The following DGKB variants were observed in gnomAD, a reference collection of about 807,000 sequenced individuals.
DGKB encodes the protein 90 kDa diacylglycerol kinase.
A neutral mutation model predicts 114.3 loss-of-function variants in DGKB; 67 were observed. The observed-to-expected ratio is 0.59, with a 90% CI of 0.48 to 0.72. DGKB has a LOEUF of 0.72. Among genes scored for constraint, DGKB ranks in the 30% least tolerant of loss-of-function variants. The pLI is 0.00. For synonymous variants in DGKB, 398 were observed against 323.1 expected (o/e 1.23, Z -2.49); for missense variants, 907 against 975.2 (o/e 0.93, Z 0.93).
At chr7:14,307,108 T>A (rs2128498519) in intron 23 of DGKB, among the ~76,000 whole-genome samples, 1 of 126,044 alleles carries the variant, frequency 7.9e-6, no homozygotes, top group East Asian at 2.6e-4. Context: ...TCTATTTGAA[T>A]CTACCACATT....
chr7:14,215,344 A>C (rs1788784912), intron 23 of DGKB, among the ~76,000 whole-genome samples: 1 of 152,140 alleles, frequency 6.6e-6, no homozygotes, highest in African/African-American at 2.4e-5. Flanking sequence ...CAAGGGTAAA[A>C]AAGAGGCAAT....
intron 23 of DGKB, among the ~76,000 whole-genome samples, chr7:14,263,612 C>T (rs1189232262): frequency 1.3e-5 from 2 of 152,122 alleles, no homozygotes; most frequent in African/African-American, 2.4e-5. Context: ...TTATGGTGGC[C>T]ACCTTCAGAA....
At chr7:14,549,861 GC>G (rs1347773206) in intron 20 of DGKB, among the ~76,000 whole-genome samples, 1 of 152,020 alleles carries the variant, frequency 6.6e-6, no homozygotes, top group Non-Finnish European at 1.5e-5. Context: ...GGTGGCGTGT[GC>G]CTGTAGTCCC....
intron 21 of DGKB, among the ~76,000 whole-genome samples, chr7:14,455,202 A>G (rs1832098162): frequency 1.3e-5 from 2 of 152,056 alleles, no homozygotes; most frequent in South Asian, 2.1e-4. Context: ...AATCACAGAC[A>G]TAACTTCAAT....
Position 14,737,855 on chromosome 7 carries a change from C to T in DGKB, c.169-1661G>A, listed in dbSNP as rs116148971. 3.6e-3 allele frequency among the ~76,000 whole-genome samples: 529 copies of T among 148,530 alleles called. 2 individuals are homozygous for T. The highest frequency in any genetic ancestry group is 0.012 in the African/African-American group (494 of 39,822). On this transcript the variant is annotated intron_variant, in intron 4 of 25. Coordinates refer to ENST00000402815, the MANE Select transcript of DGKB (RefSeq NM_001350709.2). ...GTTGCAGTCAGCTGAGATTGTGCCACTACACTCCGGCCTGGCGATAGAGTG... is the reference window on the plus strand; with the variant it reads ...GTTGCAGTCAGCTGAGATTGTGCCATTACACTCCGGCCTGGCGATAGAGTG...
At chr7:14,440,359 T>C (rs572961503) in intron 21 of DGKB, among the ~76,000 whole-genome samples, 26 of 152,252 alleles carry the variant, frequency 1.7e-4, no homozygotes, top group East Asian at 1.2e-3. Flanking sequence ...AGTGATTTAC[T>C]GAGTTGATCA....
At chr7:14,841,573 G>C in intron 1 of DGKB, 123 bp from the exon 2 acceptor site, 1 of 236,188 alleles carries the variant, frequency 4.2e-6, no homozygotes, top group Non-Finnish European at 8.1e-6. Flanking sequence ...CAAATTGTGA[G>C]AAGAATCTTA....
chr7:14,298,152 T>C (rs1802903151), intron 23 of DGKB, among the ~76,000 whole-genome samples: 2 of 152,310 alleles, frequency 1.3e-5, no homozygotes, highest in South Asian at 2.1e-4. Flanking sequence ...ATGGATTCAG[T>C]GTGATTCCCA....
chr7:14,793,906 TA>T (rs2128026793), intron 2 of DGKB, among the ~76,000 whole-genome samples: 1 of 152,176 alleles, frequency 6.6e-6, no homozygotes, highest in East Asian at 1.9e-4. Flanking sequence ...AGGGCCTGAG[TA>T]AGACAGAAGG....
chr7:14,256,362 CT>C (rs1258204988), intron 23 of DGKB, among the ~76,000 whole-genome samples: 3 of 151,810 alleles, frequency 2.0e-5, no homozygotes, highest in Admixed American at 2.0e-4. Flanking sequence ...AATTTTTAAT[CT>C]TTTTTGTAGT....
intron 22 of DGKB, among the ~76,000 whole-genome samples, chr7:14,343,175 A>ACACACACACACG (rs1811903213): frequency 6.6e-6 from 1 of 150,990 alleles, no homozygotes; most frequent in Admixed American, 6.6e-5. Context: ...ACACACACAC[A>ACACACACACACG]CACACACACA....
chr7:14,466,189 T>C (rs1780445832), intron 21 of DGKB, among the ~76,000 whole-genome samples: 2 of 152,066 alleles, frequency 1.3e-5, no homozygotes, highest in African/African-American at 2.4e-5. Context: ...CATTGAAAAA[T>C]ACGAACAAGC....
At chr7:14,550,177 A>G (rs1794906865) in intron 20 of DGKB, among the ~76,000 whole-genome samples, 1 of 152,082 alleles carries the variant, frequency 6.6e-6, no homozygotes, top group Non-Finnish European at 1.5e-5. Flanking sequence ...GTTTTGAAAA[A>G]ATCCTATTAT....
intron 3 of DGKB, 141 bp downstream of exon 3, chr7:14,757,514 A>C (rs906442426): frequency 1.9e-6 from 1 of 540,342 alleles, no homozygotes; most frequent in East Asian, 3.1e-5. Context: ...ATATACATAC[A>C]TCTGTATCAT....
chr7:14,879,551 T>G (rs1436715837), intron 1 of DGKB, among the ~76,000 whole-genome samples: 1 of 152,220 alleles, frequency 6.6e-6, no homozygotes, highest in Non-Finnish European at 1.5e-5. Context: ...GGCAGAAACT[T>G]TTTTAAAATA....
chr7:14,178,659 CTT>C (rs1376674922), intron 23 of DGKB, among the ~76,000 whole-genome samples: 2 of 152,112 alleles, frequency 1.3e-5, no homozygotes, highest in African/African-American at 4.8e-5. Flanking sequence ...GTCCCTAAAT[CTT>C]TGAGTAACTT....
rs559899889 is a variant in DGKB, at chr7:14,409,386, G to T, written c.1836-63995C>A. Among the ~76,000 whole-genome samples, 4 of 152,212 alleles carry T rather than the reference G, an allele frequency of 2.6e-5. No individual in the cohort carries two copies. In the East Asian group the frequency reaches 7.7e-4, roughly 29 times the overall value. On this transcript the variant is annotated intron_variant, in intron 21 of 25. Coordinates refer to ENST00000402815, the MANE Select transcript of DGKB (RefSeq NM_001350709.2). ...TACTAAGGATGCTTGATGTGTTCCT[G>T]AGAAGCAGAAAAATGTCACGACATT...
rs1384556247 is a variant in DGKB, at chr7:14,147,242, C to T, written c.*1889G>A. 24 of 151,994 alleles carry T rather than the reference C, an allele frequency of 1.6e-4. No homozygotes were observed. Among genetic ancestry groups the T allele is most frequent in the Admixed American group, 1.6e-3 (24 of 15,256 alleles). 9.4% of individuals were successfully genotyped at this position (151,994 alleles called of 1,614,324 possible). A position where few individuals can be genotyped will look rare whatever the true frequency, so the allele number is the denominator to read the frequency against. On this transcript the variant is annotated 3_prime_UTR_variant, in exon 26 of 26. Coordinates refer to ENST00000402815, the MANE Select transcript of DGKB (RefSeq NM_001350709.2). ...TGCCAAACAACTTTTTTATTTTATACCAGCGCAAGTGATTGCTGTACTAAA... is the reference window on the plus strand; with the variant it reads ...TGCCAAACAACTTTTTTATTTTATATCAGCGCAAGTGATTGCTGTACTAAA...
At chr7:14,277,127 T>C (rs1386259820) in intron 23 of DGKB, among the ~76,000 whole-genome samples, 3 of 152,032 alleles carry the variant, frequency 2.0e-5, no homozygotes, top group Admixed American at 2.0e-4. Flanking sequence ...CAACTCGTTA[T>C]TCCTTTCCTA....
Sources: gnomAD v4.1 joint callset for allele counts (sites outside exome capture counted in the v4.1 genomes callset) on GRCh38, gnomAD v4.1.1 for gene constraint, MANE v1.5 for transcripts, NCBI Gene and HGNC (gene_info 2026-07-23, HGNC 2026-07-21) for gene names.